Variants in FOXP2 observed in about 807,000 individuals in gnomAD.
FOXP2 encodes the protein forkhead box protein P2.
Under a neutral mutation model 115.8 loss-of-function variants are expected in FOXP2, and 12 were observed. The observed-to-expected ratio is 0.10, with a 90% CI of 0.07 to 0.17. The LOEUF (loss-of-function observed/expected upper bound fraction) is 0.17, where lower values mean the gene tolerates loss of function less well. Ranked by LOEUF, FOXP2 falls within the 10% of genes least tolerant of loss-of-function variation. The pLI is 1.00. For missense variants in FOXP2, 629 were observed against 843.5 expected, an observed-to-expected ratio of 0.75 and a Z score of 3.15; for synonymous variants, 328 against 297.7, an observed-to-expected ratio of 1.10 and a Z score of -1.05.
At chr7:114,283,343 C>T (rs1258606565) in intron 1 of FOXP2, among the ~76,000 whole-genome samples, 1 of 152,066 alleles carries the variant, frequency 6.6e-6, no homozygotes, top group Non-Finnish European at 1.5e-5. Flanking sequence ...CTATATAACA[C>T]ATGTATTTTA....
intron 1 of FOXP2, among the ~76,000 whole-genome samples, chr7:114,271,976 TA>T: frequency 7.5e-6 from 1 of 134,014 alleles, no homozygotes; most frequent in African/African-American, 2.8e-5. Context: ...ATATATAATA[TA>T]ATTATATATA....
intron 2 of FOXP2, among the ~76,000 whole-genome samples, chr7:114,327,661 C>A (rs2129182337): frequency 6.6e-6 from 1 of 151,734 alleles, no homozygotes; most frequent in Non-Finnish European, 1.5e-5. Context: ...ACCACCATGC[C>A]CAGCTAATTT....
chr7:114,363,151 T>C (rs1420893312), intron 2 of FOXP2, among the ~76,000 whole-genome samples: 1 of 152,136 alleles, frequency 6.6e-6, no homozygotes, highest in East Asian at 1.9e-4. Context: ...TCTTCTATTC[T>C]GTATTCATTT....
At chr7:114,308,133 C>T (rs563929691) in intron 2 of FOXP2, among the ~76,000 whole-genome samples, 273 of 152,170 alleles carry the variant, frequency 1.8e-3, no homozygotes, top group African/African-American at 6.5e-3. Context: ...CATCTTTTTT[C>T]CAGACATCCT....
chr7:114,136,427 G>T (rs1327635251), intron 1 of FOXP2, among the ~76,000 whole-genome samples: 2 of 152,030 alleles, frequency 1.3e-5, no homozygotes. Flanking sequence ...GGCAGGGTAT[G>T]AAATAGGTGG....
At chr7:114,230,694 G>T (rs1285985321) in intron 1 of FOXP2, among the ~76,000 whole-genome samples, 2 of 151,764 alleles carry the variant, frequency 1.3e-5, no homozygotes, top group African/African-American at 4.8e-5. Flanking sequence ...AGAACATTCA[G>T]TGTGCAAGGA....
At chr7:114,406,036 G>T (rs1793028618) in intron 2 of FOXP2, among the ~76,000 whole-genome samples, 1 of 151,602 alleles carries the variant, frequency 6.6e-6, no homozygotes. Context: ...ATACACAGGT[G>T]GATATTTAGC....
At chr7:114,393,983 T>A (rs531058857) in intron 2 of FOXP2, among the ~76,000 whole-genome samples, 6 of 131,338 alleles carry the variant, frequency 4.6e-5, no homozygotes, top group Non-Finnish European at 6.7e-5. Flanking sequence ...TGTGTGAGAG[T>A]GTGTGTGTGT....
At chr7:114,139,408 A>C (rs1792140961) in intron 1 of FOXP2, among the ~76,000 whole-genome samples, 1 of 152,170 alleles carries the variant, frequency 6.6e-6, no homozygotes, top group Non-Finnish European at 1.5e-5. Context: ...AAAACATAAT[A>C]AAAAAGGTTT....
chr7:114,337,716 G>A (rs552291269), intron 2 of FOXP2, among the ~76,000 whole-genome samples: 3 of 151,232 alleles, frequency 2.0e-5, no homozygotes, highest in Admixed American at 6.6e-5. Flanking sequence ...TAAGCAAGCC[G>A]ATTTTGTATT....
intron 1 of FOXP2, among the ~76,000 whole-genome samples, chr7:114,167,573 A>C (rs1461366527): frequency 6.6e-6 from 1 of 152,092 alleles, no homozygotes; most frequent in Non-Finnish European, 1.5e-5. Flanking sequence ...TAATTGAATC[A>C]TGGGGGCAGG....
chr7:114,276,402 T>C, intron 1 of FOXP2, among the ~76,000 whole-genome samples: 1 of 152,134 alleles, frequency 6.6e-6, no homozygotes, highest in Non-Finnish European at 1.5e-5. Context: ...TGACCTCAGG[T>C]GATCCACCCA....
rs544415313 is a variant in FOXP2 at position 114,658,806 on chromosome 7, ACCCTTCT to A, written c.1469-532_1469-526del. 4.4e-3 allele frequency among the ~76,000 whole-genome samples: 665 copies of A among 151,966 alleles called. 3 individuals are homozygous for A. Among genetic ancestry groups the A allele is most frequent in the African/African-American group, 0.013 (546 of 41,446 alleles). ...CAAATTTACCTTCTTTCCCTCTCTTACCCTTCTCCCTTCTCCCTTCTCCCCCACCTGC... is the reference window on the plus strand; with the variant it reads ...CAAATTTACCTTCTTTCCCTCTCTTACCCTTCTCCCTTCTCCCCCACCTGC... On this transcript the variant is annotated intron_variant, in intron 11 of 16. Transcript: ENST00000350908.
intron 2 of FOXP2, among the ~76,000 whole-genome samples, chr7:114,335,926 T>C (rs533506637): frequency 4.6e-5 from 7 of 151,852 alleles, no homozygotes; most frequent in Non-Finnish European, 8.9e-5. Context: ...AGTGAAGTAC[T>C]ATGTAGATGT....
intron 2 of FOXP2, among the ~76,000 whole-genome samples, chr7:114,406,395 C>T (rs1366827221): frequency 4.0e-5 from 6 of 151,776 alleles, no homozygotes; most frequent in Admixed American, 3.3e-4. Flanking sequence ...TTACAAGTTT[C>T]GTATTTGTTG....
chr7:114,292,348 T>A (rs1796626035), intron 2 of FOXP2, among the ~76,000 whole-genome samples: 1 of 152,116 alleles, frequency 6.6e-6, no homozygotes, highest in Non-Finnish European at 1.5e-5. Context: ...TTCATAGAGT[T>A]TTCTTACAGT....
intron 3 of FOXP2, among the ~76,000 whole-genome samples, chr7:114,583,693 A>G (rs1801982085): frequency 6.6e-6 from 1 of 152,234 alleles, no homozygotes; most frequent in Non-Finnish European, 1.5e-5. Context: ...TTCACAGAGT[A>G]GACCTTAAAC....
intron 1 of FOXP2, among the ~76,000 whole-genome samples, chr7:114,227,130 C>A (rs1794764650): frequency 6.6e-6 from 1 of 152,038 alleles, no homozygotes; most frequent in South Asian, 2.1e-4. Flanking sequence ...TAATTGTAAT[C>A]TTTCATGAAA....
At chr7:114,508,333 A>G (rs1032035623) in intron 2 of FOXP2, among the ~76,000 whole-genome samples, 1 of 152,074 alleles carries the variant, frequency 6.6e-6, no homozygotes, top group African/African-American at 2.4e-5. Flanking sequence ...CCAAAAGTGT[A>G]GAGTGATTCA....
Sources: allele counts gnomAD v4.1 joint callset (sites outside exome capture counted in the v4.1 genomes callset), GRCh38; gene constraint gnomAD v4.1.1; transcripts MANE v1.5; gene names NCBI Gene and HGNC (gene_info 2026-07-23, HGNC 2026-07-21).